The following ANKHD1 variants were observed in gnomAD, a reference collection of about 807,000 sequenced individuals.
ANKHD1 encodes ankyrin repeat and KH domain containing 1, also known as ankyrin repeat and KH domain-containing protein 1.
Under a neutral mutation model 230.5 loss-of-function variants are expected in ANKHD1, and 31 were observed. That is an observed-to-expected ratio of 0.13 (90% CI 0.10 to 0.18). ANKHD1 has a LOEUF of 0.18. Ranked by LOEUF, ANKHD1 falls within the 10% of genes least tolerant of loss-of-function variation. The pLI is 1.00. For synonymous variants in ANKHD1, 1,074 were observed against 1,117.6 expected (o/e 0.96, Z 0.78); for missense variants, 2,256 against 3,071.3 (o/e 0.73, Z 6.27).
chr5:140,483,004 G>GT (rs1399521643), intron 11 of ANKHD1, among the ~76,000 whole-genome samples: 1 of 152,188 alleles, frequency 6.6e-6, no homozygotes, highest in African/African-American at 2.4e-5. Flanking sequence ...AGGACAGAGA[G>GT]TAAGTCTGCT....
rs1254306536 is a variant in ANKHD1 at position 140,436,085 on chromosome 5, A to T, written c.307-19A>T. ...TTGATATCAGTTTCATGGATATTGC[A>T]TCTTTATTTCATTAACAGGTTGAAT... On this transcript the variant is annotated intron_variant, in intron 1 of 33. Coordinates refer to ENST00000360839, the MANE Select transcript of ANKHD1 (RefSeq NM_017747.3). 3 of 1,520,054 alleles carry T rather than the reference A, an allele frequency of 2.0e-6. No homozygotes were observed. Among genetic ancestry groups the T allele is most frequent in the Non-Finnish European group, 2.6e-6 (3 of 1,133,486 alleles). The allele number at this position is 1,520,054 out of a possible 1,614,324, so 94.2% of individuals were successfully genotyped here.
Position 140,539,018 on chromosome 5 carries a change from G to C in ANKHD1, c.7504G>C (p.Asp2502His). The change falls in exon 33 of 34, where the codon GAT becomes CAT. Residue 2502 changes from aspartate to histidine, a missense_variant. Around this residue, in one of 13 missense-constraint regions of ANKHD1, gnomAD observed 778 missense variants for 966.5 expected, o/e 0.80. Coordinates refer to ENST00000360839, the MANE Select transcript of ANKHD1 (RefSeq NM_017747.3). ...GPLFNGLHNP[D>H]PAWNPMIKVI... ...TCTGTTTAATGGACTTCACAATCCA[G>C]ATCCTGCTTGGAACCCTATGATAAA... 6.2e-7 allele frequency: 1 copy of C among 1,613,468 alleles called. No homozygotes were observed. Among genetic ancestry groups the C allele is most frequent in the South Asian group, 1.1e-5 (1 of 90,946 alleles).
At chr5:140,510,848 G>T (rs910275160) in intron 22 of ANKHD1, among the ~76,000 whole-genome samples, 2 of 150,740 alleles carry the variant, frequency 1.3e-5, no homozygotes, top group Non-Finnish European at 3.0e-5. Context: ...AGTATGAAAC[G>T]GTCTCAGTCT....
intron 10 of ANKHD1, among the ~76,000 whole-genome samples, chr5:140,471,487 A>G (rs1776494287): frequency 6.6e-6 from 1 of 152,172 alleles, no homozygotes; most frequent in Non-Finnish European, 1.5e-5. Flanking sequence ...TCTTAAAATC[A>G]TGTAGTTGTC....
chr5:140,502,020 A>G (rs1484524752), intron 15 of ANKHD1, among the ~76,000 whole-genome samples: 1 of 151,286 alleles, frequency 6.6e-6, no homozygotes, highest in Admixed American at 6.6e-5. Flanking sequence ...TGAGCAACAC[A>G]TAGAGACCCT....
chr5:140,403,776 T>C (rs1224063383), intron 1 of ANKHD1, among the ~76,000 whole-genome samples: 2 of 152,180 alleles, frequency 1.3e-5, no homozygotes, highest in Non-Finnish European at 2.9e-5. Flanking sequence ...GCCTGAGTTG[T>C]CACCTGTGAC....
At chr5:140,530,927 T>C (rs1390430071) in intron 29 of ANKHD1, among the ~76,000 whole-genome samples, 2 of 152,262 alleles carry the variant, frequency 1.3e-5, no homozygotes, top group Non-Finnish European at 2.9e-5. Context: ...CAGATATGTT[T>C]CCATTTACTT....
intron 29 of ANKHD1, 135 bp downstream of exon 29, chr5:140,529,931 C>G: frequency 7.4e-7 from 1 of 1,348,762 alleles, no homozygotes. Flanking sequence ...TATGATTTTT[C>G]TGTCCCTCAT....
chr5:140,537,405 A>G lies in ANKHD1; in HGVS notation c.7044A>G (p.Pro2348=). ...CTCTTTCAGCCACTTCTGCCCCACC[A>G]ACGTTGGGCCAACCAAAAGGAGTCA... ...SASNSSTSAP[P]TLGQPKGVSA... is the part of the protein sequence containing the mutation. The change falls in exon 31 of 34, where the codon CCA becomes CCG. Residue 2348 remains proline (P), a synonymous_variant. Transcript: ENST00000360839. 1 of 1,614,072 alleles carries G rather than the reference A, an allele frequency of 6.2e-7. No homozygotes were observed. The highest frequency in any genetic ancestry group is 8.5e-7 in the Non-Finnish European group (1 of 1,179,992).
At chr5:140,446,513 AC>A (rs1280471843) in intron 6 of ANKHD1, among the ~76,000 whole-genome samples, 1 of 152,020 alleles carries the variant, frequency 6.6e-6, no homozygotes, top group African/African-American at 2.4e-5. Context: ...GGCATGCACC[AC>A]CATGCCTGGC....
At chr5:140,442,573 C>T (rs1773944777) in intron 5 of ANKHD1, among the ~76,000 whole-genome samples, 1 of 151,784 alleles carries the variant, frequency 6.6e-6, no homozygotes, top group Non-Finnish European at 1.5e-5. Context: ...AAAGTGGCTC[C>T]CTGTATTAAT....
intron 10 of ANKHD1, among the ~76,000 whole-genome samples, chr5:140,473,249 C>T (rs776782938): frequency 1.6e-4 from 24 of 151,782 alleles, no homozygotes; most frequent in Non-Finnish European, 3.2e-4. Context: ...GGGCTGGTCT[C>T]GAACTCCTGA....
intron 11 of ANKHD1, among the ~76,000 whole-genome samples, chr5:140,483,830 A>G (rs1422980381): frequency 6.6e-6 from 1 of 152,072 alleles, no homozygotes; most frequent in Non-Finnish European, 1.5e-5. Flanking sequence ...TTCATATTGC[A>G]TTTTTGCTGC....
At chr5:140,451,817 T>C (rs2126947034) in intron 7 of ANKHD1, among the ~76,000 whole-genome samples, 1 of 152,290 alleles carries the variant, frequency 6.6e-6, no homozygotes. Flanking sequence ...CTTATTTCTT[T>C]AATTAAATAA....
intron 15 of ANKHD1, among the ~76,000 whole-genome samples, chr5:140,504,350 C>G (rs1752453932): frequency 6.6e-6 from 1 of 152,224 alleles, no homozygotes; most frequent in Admixed American, 6.5e-5. Context: ...CTGCGCCCAG[C>G]CCCCTTTTTT....
Position 140,526,433 on chromosome 5 carries a change from A to T in ANKHD1, c.4930A>T (p.Thr1644Ser). The T allele has an allele frequency of 6.2e-7, 1 of 1,604,204 alleles. No individual in the cohort carries two copies. ...EEKTSTATSKTQTRLEGEVTP... is the reference protein window; with the variant it reads ...EEKTSTATSKSQTRLEGEVTP... ...AAAGACAAGTACTGCTACTTCCAAAACTCAGACACGGTAAATTTTTCTGAT... is the reference window on the plus strand; with the variant it reads ...AAAGACAAGTACTGCTACTTCCAAATCTCAGACACGGTAAATTTTTCTGAT... Residue 1644 changes from threonine (T) to serine (S), a missense_variant, in exon 26 of 34, where the codon ACT (threonine) becomes TCT (serine). This residue lies in a region of ANKHD1 where 212 missense variants were observed against 257.3 expected (regional missense o/e 0.82). Transcript: ENST00000360839.
chr5:140,520,836 C>T (rs533730398), intron 24 of ANKHD1, among the ~76,000 whole-genome samples: 20 of 146,250 alleles, frequency 1.4e-4, no homozygotes, highest in Admixed American at 5.5e-4. Context: ...TGCTAGATGA[C>T]GAGTTAATGG....
At chr5:140,524,348 A>AT in intron 25 of ANKHD1, 108 bp downstream of exon 25, 1 of 1,398,014 alleles carries the variant, frequency 7.2e-7, no homozygotes, top group Admixed American at 3.7e-5. Context: ...TGATTACTTT[A>AT]TTAATCTGAA....
At chr5:140,407,272 G>A (rs1310234086) in intron 1 of ANKHD1, among the ~76,000 whole-genome samples, 1 of 133,350 alleles carries the variant, frequency 7.5e-6, no homozygotes, top group Non-Finnish European at 1.6e-5. Context: ...TCCAGCCTGG[G>A]TGACAGAGTG....
Sources: gnomAD v4.1 joint callset for allele counts (sites outside exome capture counted in the v4.1 genomes callset) on GRCh38, gnomAD v4.1.1 for gene constraint, gnomAD v4.1.1 regional missense constraint, MANE v1.5 for transcripts, NCBI Gene and HGNC (gene_info 2026-07-23, HGNC 2026-07-21) for gene names.